TRERF1: variants seen among roughly 807,000 people sequenced by gnomAD.
TRERF1 encodes the protein transcriptional regulating factor 1, also known as transcriptional-regulating factor 1.
Under a neutral mutation model 122.9 loss-of-function variants are expected in TRERF1, and 27 were observed. The observed-to-expected ratio is 0.22, with a 90% CI of 0.16 to 0.30. The LOEUF (loss-of-function observed/expected upper bound fraction) is 0.30, where lower values mean the gene tolerates loss of function less well. Among genes scored for constraint, TRERF1 ranks in the 10% least tolerant of loss-of-function variants. TRERF1 has a pLI of 1.00. For synonymous variants in TRERF1, 636 were observed against 641.7 expected (o/e 0.99, Z 0.13); for missense variants, 1,248 against 1,560.3 (o/e 0.80, Z 3.37).
chr6:42,317,926 G>C (rs898471482), intron 3 of TRERF1, among the ~76,000 whole-genome samples: 14 of 152,158 alleles, frequency 9.2e-5, no homozygotes, highest in African/African-American at 3.4e-4. Context: ...GGCCGAGGCA[G>C]GCGGATCACC....
chr6:42,287,837 C>A (rs1054875474), intron 4 of TRERF1, among the ~76,000 whole-genome samples: 48 of 152,134 alleles, frequency 3.2e-4, no homozygotes, highest in African/African-American at 1.2e-3. Context: ...CTCCTTAAAA[C>A]CTCCAATGCT....
At chr6:42,345,230 C>A (rs540038502) in intron 3 of TRERF1, among the ~76,000 whole-genome samples, 162 of 152,316 alleles carry the variant, frequency 1.1e-3, no homozygotes, top group Middle Eastern at 3.4e-3. Flanking sequence ...ACAATTTTAA[C>A]TTCTTTCTAA....
chr6:42,263,240 G>A lies in TRERF1; in HGVS notation c.1884+80C>T. 1 of 1,500,470 alleles carries A rather than the reference G, an allele frequency of 6.7e-7. No individual in the cohort carries two copies. Among genetic ancestry groups the A allele is most frequent in the Non-Finnish European group, 8.9e-7 (1 of 1,118,166 alleles). 92.9% of individuals were successfully genotyped at this position (1,500,470 alleles called of 1,614,324 possible). On this transcript the variant is annotated intron_variant, in intron 8 of 17. Coordinates refer to ENST00000372922, the Ensembl canonical transcript of TRERF1. The surrounding 1 kb of genome is among the most constrained non-coding windows in gnomAD (Gnocchi z 5.6). ...AAGGGATGTCCCCACCCAGGCAGGT[G>A]GGGCAGAGCAGCAACTCACAGCAGG...
At chr6:42,291,033 T>A (rs540236048) in intron 4 of TRERF1, among the ~76,000 whole-genome samples, 7 of 152,322 alleles carry the variant, frequency 4.6e-5, no homozygotes, top group African/African-American at 4.8e-5. Flanking sequence ...AAATATTTCA[T>A]AATAACATTC....
chr6:42,256,908 G>T (rs1241357438), intron 11 of TRERF1, 55 bp downstream of exon 11: 1 of 1,613,114 alleles, frequency 6.2e-7, no homozygotes, highest in South Asian at 1.1e-5. Flanking sequence ...CAGAGCCAGT[G>T]ATCTCAGTGA....
intron 2 of TRERF1, among the ~76,000 whole-genome samples, chr6:42,382,403 C>T (rs111856720): frequency 0.017 from 2,481 of 147,506 alleles, 66 homozygotes; most frequent in African/African-American, 0.06. Flanking sequence ...CAAAATCCTT[C>T]TCAAAGACGT....
chr6:42,357,679 C>T (rs914895612), intron 3 of TRERF1, among the ~76,000 whole-genome samples: 3 of 152,170 alleles, frequency 2.0e-5, no homozygotes, highest in African/African-American at 2.4e-5. Context: ...CAATTTCACA[C>T]GGGCGAGCGA....
At chr6:42,254,808 C>G (rs202051968) in intron 13 of TRERF1, 43 bp downstream of exon 13, 5 of 1,571,864 alleles carry the variant, frequency 3.2e-6, no homozygotes, top group Non-Finnish European at 4.4e-6. Context: ...GCAAGCAGCC[C>G]GTCGTCAGGA....
At chr6:42,410,491 TTC>T (rs1211052926) in intron 2 of TRERF1, among the ~76,000 whole-genome samples, 1 of 152,114 alleles carries the variant, frequency 6.6e-6, no homozygotes, top group African/African-American at 2.4e-5. Flanking sequence ...GACCATAAAA[TTC>T]ATCTGGAAAA....
rs182080645 is a variant in TRERF1 at position 42,352,862 on chromosome 6, T to C, written c.-371+10135A>G. ...AGATCATCTTTATCTCTTTATCAGA[T>C]TTATACATTTAAAATATTGTGAATA... On this transcript the variant is annotated intron_variant, in intron 3 of 17. Transcript: ENST00000372922. Among the ~76,000 whole-genome samples the C allele has an allele frequency of 8.5e-5, 13 of 152,316 alleles. 1 individual carries two copies. In the East Asian group the frequency reaches 2.3e-3, roughly 27 times the overall value.
intron 15 of TRERF1, among the ~76,000 whole-genome samples, chr6:42,241,681 C>T (rs375386159): frequency 3.9e-5 from 6 of 152,118 alleles, no homozygotes; most frequent in South Asian, 4.2e-4. Flanking sequence ...AGGCTGGTCT[C>T]GAACTCCTGA....
At chr6:42,379,797 C>T (rs1224171439) in intron 2 of TRERF1, among the ~76,000 whole-genome samples, 2 of 152,220 alleles carry the variant, frequency 1.3e-5, no homozygotes, top group Non-Finnish European at 2.9e-5. Context: ...TCCCAAAGTG[C>T]TGGGATGACA....
intron 3 of TRERF1, among the ~76,000 whole-genome samples, chr6:42,302,542 G>A (rs1786407064): frequency 6.6e-6 from 1 of 152,178 alleles, no homozygotes. Context: ...TAAATCATCT[G>A]CAATTTTGGA....
At chr6:42,338,479 T>C (rs968576610) in intron 3 of TRERF1, among the ~76,000 whole-genome samples, 1 of 152,146 alleles carries the variant, frequency 6.6e-6, no homozygotes, top group Non-Finnish European at 1.5e-5. Flanking sequence ...TGCCAGAAAG[T>C]GAGTACTAAA....
At chr6:42,417,392 T>G (rs1188546917) in intron 2 of TRERF1, among the ~76,000 whole-genome samples, 1 of 152,010 alleles carries the variant, frequency 6.6e-6, no homozygotes, top group Non-Finnish European at 1.5e-5. Flanking sequence ...TCCATGTGTA[T>G]GCCTGTCCAC....
At chr6:42,420,163 C>G (rs1582125546) in intron 2 of TRERF1, among the ~76,000 whole-genome samples, 1 of 152,234 alleles carries the variant, frequency 6.6e-6, no homozygotes, top group East Asian at 1.9e-4. Flanking sequence ...AGCAAAGTCA[C>G]CTCCCTTCCC....
intron 2 of TRERF1, among the ~76,000 whole-genome samples, chr6:42,394,601 G>T (rs1322455615): frequency 6.6e-6 from 1 of 152,114 alleles, no homozygotes; most frequent in Non-Finnish European, 1.5e-5. Flanking sequence ...ACCAGAAATG[G>T]TCTATAGATG....
chr6:42,267,681 T>A (rs6920611), intron 5 of TRERF1, among the ~76,000 whole-genome samples: 4,971 of 152,290 alleles, frequency 0.033, 257 homozygotes, highest in African/African-American at 0.11. Context: ...GTATTTATCC[T>A]GAGAACCCAC....
At chr6:42,299,733 C>T (rs141451316) in intron 4 of TRERF1, among the ~76,000 whole-genome samples, 14 of 152,260 alleles carry the variant, frequency 9.2e-5, no homozygotes, top group South Asian at 6.2e-4. Context: ...AAGGAGCCCA[C>T]GGAAGTAGTT....
Sources: allele counts gnomAD v4.1 joint callset (sites outside exome capture counted in the v4.1 genomes callset), GRCh38; gene constraint gnomAD v4.1.1; non-coding constraint Gnocchi (gnomAD v3.1); transcripts MANE v1.5; gene names NCBI Gene and HGNC (gene_info 2026-07-23, HGNC 2026-07-21).